The following SMPDL3A variants were observed in gnomAD, a reference collection of about 807,000 sequenced individuals.
SMPDL3A encodes the protein cyclic GMP-AMP phosphodiesterase SMPDL3A.
A neutral mutation model predicts 38.5 loss-of-function variants in SMPDL3A; 39 were observed. The observed-to-expected ratio is 1.01, with a 90% CI of 0.78 to 1.32. SMPDL3A has a LOEUF of 1.32. SMPDL3A is among the 40% of genes most tolerant of loss of function. The probability of loss-of-function intolerance (pLI) is 0.00; values close to 1 mark genes in which losing one functional copy is unlikely to be tolerated. For missense variants in SMPDL3A, 502 were observed against 536.2 expected, an observed-to-expected ratio of 0.94 and a Z score of 0.63; for synonymous variants, 180 against 194.3, an observed-to-expected ratio of 0.93 and a Z score of 0.61.
chr6:122,791,576 A>G (rs2115157962), intron 1 of SMPDL3A, among the ~76,000 whole-genome samples: 1 of 152,324 alleles, frequency 6.6e-6, no homozygotes, highest in East Asian at 1.9e-4. Flanking sequence ...TGGATTCTTG[A>G]GAAGTTATAA....
chr6:122,789,635 G>A (rs1284793793), intron 1 of SMPDL3A, among the ~76,000 whole-genome samples, 177 bp downstream of exon 1: 2 of 152,248 alleles, frequency 1.3e-5, no homozygotes, highest in Non-Finnish European at 2.9e-5. Flanking sequence ...GGCGACCAAG[G>A]GACTACAGCG....
chr6:122,808,512 T>C (rs1781710875), intron 7 of SMPDL3A, among the ~76,000 whole-genome samples: 1 of 152,052 alleles, frequency 6.6e-6, no homozygotes, highest in Non-Finnish European at 1.5e-5. Flanking sequence ...CCTCTCTTTA[T>C]AGTTTGGATT....
chr6:122,791,996 A>G (rs540523025), intron 1 of SMPDL3A, among the ~76,000 whole-genome samples: 130 of 152,300 alleles, frequency 8.5e-4, no homozygotes, highest in Admixed American at 3.3e-3. Context: ...CCCGACTTGG[A>G]AATCTTTTTA....
At chr6:122,807,638 G>A (rs942125044) in intron 7 of SMPDL3A, among the ~76,000 whole-genome samples, 4 of 152,160 alleles carry the variant, frequency 2.6e-5, no homozygotes, top group African/African-American at 7.2e-5. Flanking sequence ...TTCAGTTTGG[G>A]TAACTTCCCC....
chr6:122,809,629 G>T lies in SMPDL3A; in HGVS notation c.*221G>T. ...ATTAATAGAATGATGGATGTAAATT[G>T]GATGTAAATATTCAGTTTATATAAT... On this transcript the variant is annotated 3_prime_UTR_variant, in exon 8 of 8. Transcript: ENST00000368440. 1 of 382,584 alleles carries T rather than the reference G, an allele frequency of 2.6e-6. No individual in the cohort carries two copies. The highest frequency in any genetic ancestry group is 6.0e-5 in the South Asian group (1 of 16,760). 23.7% of individuals were successfully genotyped at this position (382,584 alleles called of 1,614,324 possible).
chr6:122,796,016 C>T (rs1007970026), intron 2 of SMPDL3A, 126 bp downstream of exon 2: 30 of 691,662 alleles, frequency 4.3e-5, no homozygotes, highest in Non-Finnish European at 6.9e-5. Flanking sequence ...TAAAAAAACA[C>T]TAGGTCAAAC....
intron 6 of SMPDL3A, 91 bp from the exon 7 acceptor site, chr6:122,806,142 C>CT (rs2115175396): frequency 8.5e-7 from 1 of 1,171,010 alleles, no homozygotes; most frequent in Admixed American, 2.6e-5. Flanking sequence ...TTGGTTATGT[C>CT]TGTTAATCTC....
At chr6:122,800,394 C>G (rs1781389790) in intron 3 of SMPDL3A, among the ~76,000 whole-genome samples, 2 of 152,172 alleles carry the variant, frequency 1.3e-5, no homozygotes, top group Non-Finnish European at 1.5e-5. Flanking sequence ...TTGAACAGTT[C>G]AGAAGACTTT....
chr6:122,808,609 C>CCTCCCTCCCTTCCTTCCTTCCTT (rs1562357722), intron 7 of SMPDL3A, among the ~76,000 whole-genome samples: 1 of 44,310 alleles, frequency 2.3e-5, no homozygotes, highest in African/African-American at 8.8e-5. Flanking sequence ...CTCCCTCCCT[C>CCTCCCTCCCTTCCTTCCTTCCTT]CCTTCCTTCC....
chr6:122,803,528 C>T lies in SMPDL3A; in HGVS notation c.569-136C>T. On this transcript the variant is annotated intron_variant, in intron 4 of 7. Coordinates refer to ENST00000368440, the MANE Select transcript of SMPDL3A (RefSeq NM_006714.5). ...AATCTGATTCTTATCTAATGACAGC[C>T]TATCTATGTGCAAACTAAACAATGA... 3 of 638,942 alleles carry T rather than the reference C, an allele frequency of 4.7e-6. No individual in the cohort carries two copies. The South Asian group carries it at 6.1e-5, about 13-fold the overall frequency. The allele number at this position is 638,942 out of a possible 1,614,324, so 39.6% of individuals were successfully genotyped here.
Position 122,809,175 on chromosome 6 carries a change from A to G in SMPDL3A, c.1129A>G (p.Thr377Ala). The G allele has an allele frequency of 6.2e-7, 1 of 1,614,166 alleles. No individual in the cohort carries two copies. The highest frequency in any genetic ancestry group is 8.5e-7 in the Non-Finnish European group (1 of 1,180,012). ...GAAGCTGGAGTATATCCTGACCCAG[A>G]CCTACGACATTGAAGATTTGCAGCC... ...IWKLEYILTQ[T>A]YDIEDLQPES... Residue 377 changes from threonine to alanine, a missense_variant, in exon 8 of 8, where the codon ACC becomes GCC. By Grantham distance (58) the Thr-to-Ala change is moderately conservative. Transcript: ENST00000368440.
rs1781227884 is a variant in SMPDL3A at position 122,795,760 on chromosome 6, A to C, written c.196A>C (p.Lys66Gln). 2 of 1,614,158 alleles carry C rather than the reference A, an allele frequency of 1.2e-6. No individual in the cohort carries two copies. The highest frequency in any genetic ancestry group is 1.7e-6 in the Non-Finnish European group (2 of 1,179,998). ...DDHTKVCASSKGANASNPGPF... is the reference protein window; with the variant it reads ...DDHTKVCASSQGANASNPGPF... ...CCACACAAAAGTGTGTGCTTCATCT[A>C]AAGGTGCAAATGCCTCCAACCCTGG... is the stretch of plus-strand genomic sequence containing the variant. The change falls in exon 2 of 8, where the codon AAA becomes CAA. Residue 66 changes from lysine to glutamine, a missense_variant. Coordinates refer to ENST00000368440, the MANE Select transcript of SMPDL3A (RefSeq NM_006714.5).
intron 3 of SMPDL3A, among the ~76,000 whole-genome samples, chr6:122,799,521 C>T (rs1202207076): frequency 6.6e-6 from 1 of 152,172 alleles, no homozygotes; most frequent in Non-Finnish European, 1.5e-5. Context: ...ACTTGGCATC[C>T]ATCCCAAAGT....
At chr6:122,802,821 T>C (rs1394807972) in intron 4 of SMPDL3A, among the ~76,000 whole-genome samples, 1 of 152,194 alleles carries the variant, frequency 6.6e-6, no homozygotes, top group East Asian at 1.9e-4. Context: ...GGGGCAGAGA[T>C]GTCTTGCATG....
At chr6:122,794,736 A>G (rs1297963232) in intron 1 of SMPDL3A, among the ~76,000 whole-genome samples, 1 of 152,250 alleles carries the variant, frequency 6.6e-6, no homozygotes, top group East Asian at 1.9e-4. Flanking sequence ...TTAACATTTT[A>G]TATGAGTATA....
intron 5 of SMPDL3A, 127 bp downstream of exon 5, chr6:122,803,960 C>T (rs943791977): frequency 1.8e-5 from 12 of 681,732 alleles, no homozygotes; most frequent in Non-Finnish European, 2.4e-5. Flanking sequence ...TGCATAAACA[C>T]TTTACAACTC....
At position 122,804,925 on chromosome 6, in the gene SMPDL3A, A is replaced by C. The variant is rs758938786; in HGVS notation, c.755A>C (p.His252Pro). The C allele has an allele frequency of 2.3e-5, 37 of 1,611,944 alleles. No individual in the cohort carries two copies. The highest frequency in any genetic ancestry group is 3.1e-5 in the Non-Finnish European group (36 of 1,179,448). The change falls in exon 6 of 8, where the codon CAT (histidine) becomes CCT (proline). Residue 252 changes from histidine to proline, a missense_variant. His to Pro is a moderately conservative substitution (Grantham distance 77). Transcript: ENST00000368440. Reference protein sequence around the residue: ...QNKEKVYIIAHVPVGYLPSSQ... With the variant: ...QNKEKVYIIAPVPVGYLPSSQ... ...TTTTTCCAGGTGTATATCATAGCAC[A>C]TGTTCCAGTGGGGTATCTGCCATCT... is the stretch of plus-strand genomic sequence containing the variant.
chr6:122,809,382 C>A lies in SMPDL3A; in HGVS notation c.1336C>A (p.Gln446Lys), dbSNP rs968463105. ...TATTTCCTATGCAGATTGCCTCAAA[C>A]AGCTTTATATAAAGCACAATTACTA... is the stretch of plus-strand genomic sequence containing the variant. ...DNISYADCLK[Q>K]LYIKHNY Residue 446 changes from glutamine to lysine, a missense_variant, in exon 8 of 8, where the codon CAG (glutamine) becomes AAG (lysine). Physicochemically the swap from Gln to Lys is moderately conservative, Grantham distance 53. Coordinates refer to ENST00000368440, the MANE Select transcript of SMPDL3A (RefSeq NM_006714.5). The A allele has an allele frequency of 1.2e-6, 2 of 1,613,082 alleles. No individual in the cohort carries two copies. Among genetic ancestry groups the A allele is most frequent in the African/African-American group, 2.7e-5 (2 of 75,004 alleles).
rs1436160882 is a variant in SMPDL3A, at chr6:122,809,340, AT to A, written c.1296del (p.Met433Ter). The A allele has an allele frequency of 6.2e-7, 1 of 1,613,930 alleles. No homozygotes were observed. The highest frequency in any genetic ancestry group is 1.3e-5 in the African/African-American group (1 of 74,934). On this transcript the variant is annotated frameshift_variant, in exon 8 of 8. Transcript: ENST00000368440. LOFTEE classifies it low-confidence loss of function (END_TRUNC). ...ATGTAAGGCCTTTCAGATTTGTGCAATTATGAATCTTGATAATATTTCCTAT... is the reference window on the plus strand; with the variant it reads ...ATGTAAGGCCTTTCAGATTTGTGCAATATGAATCTTGATAATATTTCCTAT... Reference protein sequence around the residue: ...KTCKAFQICAIMNLDNISYAD... With the variant: ...KTCKAFQICAXMNLDNISYAD...
Sources: allele counts gnomAD v4.1 joint callset (sites outside exome capture counted in the v4.1 genomes callset), GRCh38; gene constraint gnomAD v4.1.1; transcripts MANE v1.5; gene names NCBI Gene and HGNC (gene_info 2026-07-23, HGNC 2026-07-21).